The following ADAD1 variants were observed in gnomAD, a reference collection of about 807,000 sequenced individuals.
The protein encoded by ADAD1 is adenosine deaminase domain containing 1.
A neutral mutation model predicts 66.8 loss-of-function variants in ADAD1; 46 were observed. The observed-to-expected ratio is 0.69, with a 90% CI of 0.54 to 0.88. The LOEUF is 0.88. Among genes scored for constraint, ADAD1 ranks in the 40% least tolerant of loss-of-function variants. ADAD1 has a pLI of 0.00. For synonymous variants in ADAD1, 248 were observed against 229.4 expected, an observed-to-expected ratio of 1.08 and a Z score of -0.73; for missense variants, 617 against 681.8, an observed-to-expected ratio of 0.91 and a Z score of 1.06.
Position 122,380,047 on chromosome 4 carries a change from T to C in ADAD1, c.-8-15T>C. Reference sequence around the variant, plus strand: ...GTTTTGTCTTGTTTTCTGCCAATTTTATCGTGACCTCTAGGTGAGAAAATG... The same window carrying C: ...GTTTTGTCTTGTTTTCTGCCAATTTCATCGTGACCTCTAGGTGAGAAAATG... On this transcript the variant is annotated splice_polypyrimidine_tract_variant and intron_variant, in intron 2 of 12. Transcript: ENST00000296513. The C allele has an allele frequency of 6.3e-7, 1 of 1,590,540 alleles. No individual in the cohort carries two copies. Among genetic ancestry groups the C allele is most frequent in the South Asian group, 1.2e-5 (1 of 86,322 alleles).
In ADAD1 at chr4:122,381,143, G is replaced by A. The variant is rs143348498; in HGVS notation, c.324G>A (p.Gln108=). 4.4e-6 allele frequency: 7 copies of A among 1,585,116 alleles called. No individual in the cohort carries two copies. The highest frequency in any genetic ancestry group is 6.0e-6 in the Non-Finnish European group (7 of 1,173,178). The part of the protein sequence containing the change: ...VSALHQFAQM[Q]RVQLDLKETV... ...CCTTGCACCAGTTTGCACAAATGCA[G>A]CGAGTTCAGCTTGACCTTAAGGAAA... Residue 108 remains glutamine, a synonymous_variant, in exon 4 of 13, where the codon CAG becomes CAA. Coordinates refer to ENST00000296513, the MANE Select transcript of ADAD1 (RefSeq NM_139243.4).
chr4:122,428,333 A>T (rs1797350277), intron 12 of ADAD1, among the ~76,000 whole-genome samples: 1 of 152,220 alleles, frequency 6.6e-6, no homozygotes, highest in African/African-American at 2.4e-5. Context: ...ATTCATCATT[A>T]AGAAAATGAA....
rs777045923 is a variant in ADAD1 at position 122,393,622 on chromosome 4, T to C, written c.563T>C (p.Leu188Ser). 2.9e-5 allele frequency: 47 copies of C among 1,603,124 alleles called. No individual in the cohort carries two copies. The Middle Eastern group carries it at 5.0e-4, about 17-fold the overall frequency. ...PPPFPAEPVV[L>S]SELAYVSKVH... ...CCTTTCCCTGCAGAACCTGTTGTTT[T>C]ATCTGAACTAGCATATGTTTCAAAA... Residue 188 changes from leucine to serine, a missense_variant, in exon 6 of 13, where the codon TTA (leucine) becomes TCA (serine). Transcript: ENST00000296513.
intron 5 of ADAD1, 129 bp downstream of exon 5, chr4:122,384,095 T>C: frequency 1.2e-6 from 1 of 865,016 alleles, no homozygotes; most frequent in East Asian, 2.7e-5. Flanking sequence ...GAATAATTTA[T>C]TTCAGTTGCT....
Position 122,411,584 on chromosome 4 carries a change from G to C in ADAD1, c.1019+192G>C, listed in dbSNP as rs1796469465. ...GTCAATCTAATCTATTACTTCTACA[G>C]GTTGAGCTTCCCAAATCCAAAAGTC... On this transcript the variant is annotated intron_variant, in intron 9 of 12. Transcript: ENST00000296513. Among the ~76,000 whole-genome samples the C allele has an allele frequency of 5.3e-5, 8 of 152,012 alleles. No homozygotes were observed. In the South Asian group the frequency reaches 1.7e-3, roughly 31 times the overall value.
At chr4:122,414,540 G>A (rs753054895) in intron 10 of ADAD1, among the ~76,000 whole-genome samples, 71 of 152,102 alleles carry the variant, frequency 4.7e-4, no homozygotes, top group Non-Finnish European at 2.5e-4. Flanking sequence ...AGCAGTACAT[G>A]TCCTTTTTAC....
chr4:122,429,427 A>AT (rs1021502709), intron 12 of ADAD1, among the ~76,000 whole-genome samples, 199 bp from the exon 13 acceptor site: 22 of 152,016 alleles, frequency 1.4e-4, no homozygotes, highest in African/African-American at 4.8e-4. Context: ...CTCTTAGGAA[A>AT]AAAAAAAAAA....
Position 122,399,984 on chromosome 4 carries a change from G to A in ADAD1, c.724+3607G>A, listed in dbSNP as rs139666896. On this transcript the variant is annotated intron_variant, in intron 7 of 12. Coordinates refer to ENST00000296513, the MANE Select transcript of ADAD1 (RefSeq NM_139243.4). ...TGACTCCCTCTTTACTGATGTGGAC[G>A]TTCTTTATTTCTGTCTTTTGTCAGG... is the stretch of plus-strand genomic sequence containing the variant. Among the ~76,000 whole-genome samples the A allele has an allele frequency of 2.0e-3, 298 of 152,002 alleles. 1 individual carries two copies. The highest frequency in any genetic ancestry group is 3.3e-3 in the Non-Finnish European group (227 of 67,876).
rs900035695 is a variant in ADAD1, at chr4:122,411,329, A to G, written c.956A>G (p.Asn319Ser). 1 of 1,613,302 alleles carries G rather than the reference A, an allele frequency of 6.2e-7. No homozygotes were observed. The highest frequency in any genetic ancestry group is 8.5e-7 in the Non-Finnish European group (1 of 1,179,704). The change falls in exon 9 of 13, where the codon AAT becomes AGT. Residue 319 changes from asparagine (N) to serine (S), a missense_variant. Asn to Ser is a conservative substitution (Grantham distance 46, BLOSUM62 1). Coordinates refer to ENST00000296513, the MANE Select transcript of ADAD1 (RefSeq NM_139243.4). ...PTSNLLTLKQ[N>S]INICLYMNQL... ...TCTAATCTACTCACTCTTAAACAGA[A>G]TATCAACATTTGCCTTTACATGAAC...
intron 7 of ADAD1, among the ~76,000 whole-genome samples, chr4:122,402,798 C>T (rs975923619): frequency 3.9e-5 from 6 of 152,042 alleles, no homozygotes; most frequent in African/African-American, 1.4e-4. Context: ...TGAAACTTTC[C>T]AGTGCATTTT....
In ADAD1 at chr4:122,390,149, T is replaced by C. The variant is rs191485728; in HGVS notation, c.530-3440T>C. ...TTTGGCTGGATGTGAAATTCTGGGT[T>C]GATAGTTCTTTTGTTTAAGAATGTT... On this transcript the variant is annotated intron_variant, in intron 5 of 12. Transcript: ENST00000296513. 9.3e-4 allele frequency among the ~76,000 whole-genome samples: 142 copies of C among 152,310 alleles called. 2 individuals carry two copies. The highest frequency in any genetic ancestry group is 3.1e-3 in the African/African-American group (130 of 41,564).
At chr4:122,419,163 TGTG>T (rs1796891968) in intron 11 of ADAD1, among the ~76,000 whole-genome samples, 3 of 151,968 alleles carry the variant, frequency 2.0e-5, no homozygotes, top group South Asian at 4.2e-4. Flanking sequence ...ATAAAGAAAA[TGTG>T]GTACATATAC....
intron 5 of ADAD1, among the ~76,000 whole-genome samples, chr4:122,388,006 G>A (rs932063279): frequency 2.6e-5 from 4 of 152,222 alleles, no homozygotes; most frequent in East Asian, 3.9e-4. Flanking sequence ...TGATCCACCC[G>A]CCTTGGCCTA....
chr4:122,415,119 C>G (rs1240417662), intron 10 of ADAD1, among the ~76,000 whole-genome samples: 3 of 152,064 alleles, frequency 2.0e-5, no homozygotes, highest in Non-Finnish European at 4.4e-5. Flanking sequence ...GCAGCTGTGA[C>G]TCTTTGCTAA....
At chr4:122,419,741 C>T (rs1296132695) in intron 11 of ADAD1, among the ~76,000 whole-genome samples, 1 of 152,110 alleles carries the variant, frequency 6.6e-6, no homozygotes, top group Non-Finnish European at 1.5e-5. Flanking sequence ...AGACTAGAAA[C>T]TCTTACTAAT....
chr4:122,385,768 C>T (rs1046418379), intron 5 of ADAD1, among the ~76,000 whole-genome samples: 7 of 152,138 alleles, frequency 4.6e-5, no homozygotes, highest in Non-Finnish European at 7.3e-5. Flanking sequence ...TGTTCAGCTC[C>T]CACTTATGAG....
chr4:122,425,361 A>G (rs77279393), intron 12 of ADAD1, among the ~76,000 whole-genome samples: 14,616 of 152,154 alleles, frequency 0.096, 884 homozygotes, highest in South Asian at 0.26. Flanking sequence ...GAATTAAATT[A>G]GAAATCAAGA....
rs2018631775 is a variant in ADAD1 at position 122,381,065 on chromosome 4, A to G, written c.246A>G (p.Ile82Met). Residue 82 changes from isoleucine (I) to methionine (M), a missense_variant, in exon 4 of 13, where the codon ATA (isoleucine) becomes ATG (methionine). Physicochemically the swap from Ile to Met is conservative, Grantham distance 10. Coordinates refer to ENST00000296513, the MANE Select transcript of ADAD1 (RefSeq NM_139243.4). The part of the protein sequence containing the change: ...ISNPVLPPKK[I>M]PKEFIMKYKR... ...ATCCTGTCCTTCCTCCAAAAAAAAT[A>G]CCTAAGGAATTTATAATGAAATACA... The G allele has an allele frequency of 2.5e-6, 4 of 1,603,374 alleles. No individual in the cohort carries two copies. The highest frequency in any genetic ancestry group is 2.7e-5 in the African/African-American group (2 of 73,922).
intron 12 of ADAD1, among the ~76,000 whole-genome samples, chr4:122,424,459 A>G (rs1216627559): frequency 6.6e-6 from 1 of 152,168 alleles, no homozygotes; most frequent in African/African-American, 2.4e-5. Flanking sequence ...TTGGTAAGAA[A>G]TCGCTCTATA....
Sources: allele counts gnomAD v4.1 joint callset (sites outside exome capture counted in the v4.1 genomes callset), GRCh38; gene constraint gnomAD v4.1.1; transcripts MANE v1.5; gene names NCBI Gene and HGNC (gene_info 2026-07-23, HGNC 2026-07-21).